The following PLCB4 variants were observed in gnomAD, a reference collection of about 807,000 sequenced individuals.
PLCB4 encodes phospholipase C beta 4.
Under a neutral mutation model 178.8 loss-of-function variants are expected in PLCB4, and 77 were observed. That is an observed-to-expected ratio of 0.43 (90% confidence interval 0.36 to 0.52). The LOEUF (loss-of-function observed/expected upper bound fraction) is 0.52. Ranked by LOEUF, PLCB4 falls within the 20% of genes least tolerant of loss-of-function variation. The pLI, the probability that PLCB4 is intolerant of heterozygous loss-of-function variation, is 0.00. For synonymous variants in PLCB4, 496 were observed against 490.8 expected, an observed-to-expected ratio of 1.01 and a Z score of -0.14; for missense variants, 1,024 against 1,453.4, an observed-to-expected ratio of 0.70 and a Z score of 4.80.
At chr20:9,297,162 C>A (rs1568542990) in intron 3 of PLCB4, among the ~76,000 whole-genome samples, 2 of 151,912 alleles carry the variant, frequency 1.3e-5, no homozygotes, top group South Asian at 2.1e-4. Flanking sequence ...CCCGCACCCC[C>A]CCCCACACCA....
chr20:9,166,587 C>CTTA (rs1380616421), intron 2 of PLCB4: 1 of 152,204 alleles, frequency 6.6e-6, no homozygotes, highest in Admixed American at 6.6e-5. Context: ...AAGGGGCGAG[C>CTTA]TTATCCTAGA....
chr20:9,080,144 A>C (rs1203619029), intron 1 of PLCB4, among the ~76,000 whole-genome samples: 1 of 152,184 alleles, frequency 6.6e-6, no homozygotes, highest in Non-Finnish European at 1.5e-5. Flanking sequence ...CATTAGCATC[A>C]CTGAGTATAA....
At chr20:9,155,697 A>C (rs1294268820) in intron 2 of PLCB4, among the ~76,000 whole-genome samples, 1 of 152,198 alleles carries the variant, frequency 6.6e-6, no homozygotes, top group Admixed American at 6.5e-5. Context: ...TGAAACCACC[A>C]GCTGGTGAAT....
At chr20:9,468,241 G>A (rs1265478357) in intron 35 of PLCB4, among the ~76,000 whole-genome samples, 7 of 151,746 alleles carry the variant, frequency 4.6e-5, no homozygotes, top group Non-Finnish European at 7.4e-5. Flanking sequence ...TTGGGGTCCC[G>A]TCCCTCCTTT....
intron 3 of PLCB4, among the ~76,000 whole-genome samples, chr20:9,245,238 A>G (rs1453385331): frequency 1.3e-5 from 2 of 152,202 alleles, no homozygotes; most frequent in Admixed American, 1.3e-4. Context: ...TGTTGGCCAA[A>G]GGAAGTCCCA....
At chr20:9,152,374 G>T (rs1342026001) in intron 2 of PLCB4, among the ~76,000 whole-genome samples, 4 of 152,104 alleles carry the variant, frequency 2.6e-5, no homozygotes, top group African/African-American at 7.2e-5. Flanking sequence ...GATTTCATGG[G>T]CCGGGCCCAG....
At chr20:9,137,404 T>C (rs2092405397) in intron 2 of PLCB4, among the ~76,000 whole-genome samples, 1 of 152,118 alleles carries the variant, frequency 6.6e-6, no homozygotes, top group Admixed American at 6.6e-5. Context: ...TAGGATCCAT[T>C]AACAAAGAAG....
intron 9 of PLCB4, among the ~76,000 whole-genome samples, chr20:9,370,283 C>T (rs997691314): frequency 3.3e-5 from 5 of 152,130 alleles, no homozygotes; most frequent in African/African-American, 1.2e-4. Context: ...GATAATTGTT[C>T]CCCTTCCCCC....
At chr20:9,101,913 C>T (rs1013131902) in intron 2 of PLCB4, among the ~76,000 whole-genome samples, 4 of 150,292 alleles carry the variant, frequency 2.7e-5, no homozygotes, top group Non-Finnish European at 4.4e-5. Context: ...GGCATGATCT[C>T]GGCTCACTGC....
At chr20:9,315,308 T>A (rs748229963) in intron 4 of PLCB4, among the ~76,000 whole-genome samples, 14 of 152,080 alleles carry the variant, frequency 9.2e-5, no homozygotes, top group Non-Finnish European at 1.6e-4. Flanking sequence ...CCTTTAACAA[T>A]TCGGAAATAT....
intron 2 of PLCB4, among the ~76,000 whole-genome samples, chr20:9,112,047 A>G (rs1340787224): frequency 6.6e-6 from 1 of 152,138 alleles, no homozygotes; most frequent in Non-Finnish European, 1.5e-5. Flanking sequence ...AAAAAAATGG[A>G]TCTTTATTTT....
chr20:9,195,592 C>G (rs185088534), intron 2 of PLCB4, among the ~76,000 whole-genome samples: 1 of 152,230 alleles, frequency 6.6e-6, no homozygotes, highest in Admixed American at 6.5e-5. Context: ...CCATCATCTC[C>G]TGCTCTGCCC....
chr20:9,185,174 A>T (rs1048381268), intron 2 of PLCB4, among the ~76,000 whole-genome samples: 1 of 152,152 alleles, frequency 6.6e-6, no homozygotes, highest in Admixed American at 6.5e-5. Flanking sequence ...AGTTGCTTGG[A>T]TTATAGGTGA....
intron 1 of PLCB4, among the ~76,000 whole-genome samples, chr20:9,076,035 T>C (rs899941849): frequency 6.6e-6 from 1 of 152,182 alleles, no homozygotes; most frequent in Non-Finnish European, 1.5e-5. Flanking sequence ...TTATTTCCAG[T>C]GTACATAGAT....
chr20:9,192,660 A>C (rs2093420670), intron 2 of PLCB4, among the ~76,000 whole-genome samples: 1 of 151,464 alleles, frequency 6.6e-6, no homozygotes, highest in African/African-American at 2.4e-5. Flanking sequence ...AAAACAAACA[A>C]AAAAATTAGC....
chr20:9,307,807 A>T lies in PLCB4; in HGVS notation c.-8A>T, dbSNP rs748758062. 3.0e-5 allele frequency: 46 copies of T among 1,547,724 alleles called. No individual in the cohort carries two copies. Among genetic ancestry groups the T allele is most frequent in the Non-Finnish European group, 3.8e-5 (43 of 1,129,596 alleles). Reference sequence around the variant, plus strand: ...ATTCTTTTTCATTTTTAGGTCTTGAATATAATCATGGCCAAACCTTATGAA... The same window carrying T: ...ATTCTTTTTCATTTTTAGGTCTTGATTATAATCATGGCCAAACCTTATGAA... On this transcript the variant is annotated 5_prime_UTR_variant, in exon 4 of 40. Transcript: ENST00000378473.
At chr20:9,119,655 T>C (rs2091895296) in intron 2 of PLCB4, among the ~76,000 whole-genome samples, 1 of 152,208 alleles carries the variant, frequency 6.6e-6, no homozygotes, top group South Asian at 2.1e-4. Flanking sequence ...GTTTAAGTTA[T>C]ATAAGCCTAC....
chr20:9,169,424 A>T (rs1470546118), intron 2 of PLCB4, among the ~76,000 whole-genome samples: 1 of 74,110 alleles, frequency 1.3e-5, no homozygotes, highest in African/African-American at 5.4e-5. Flanking sequence ...CCCATCTCTT[A>T]AAAAAAAAAA....
chr20:9,386,130 G>A (rs958131501), intron 14 of PLCB4, among the ~76,000 whole-genome samples: 14 of 152,086 alleles, frequency 9.2e-5, no homozygotes, highest in South Asian at 4.1e-4. Flanking sequence ...GCGCACACCC[G>A]CAATCCCAGG....
Sources: allele counts gnomAD v4.1 joint callset (sites outside exome capture counted in the v4.1 genomes callset), GRCh38; gene constraint gnomAD v4.1.1; transcripts MANE v1.5; gene names NCBI Gene and HGNC (gene_info 2026-07-23, HGNC 2026-07-21).